The following PANK1 variants were observed in gnomAD, a reference collection of about 807,000 sequenced individuals.
PANK1 encodes pantothenate kinase 1, also known as pantothenic acid kinase 1.
PANK1 carries 18 observed loss-of-function variants against 40.1 expected under a neutral mutation model. The ratio of observed to expected loss-of-function variants is 0.45; its 90% CI spans 0.31 to 0.67. PANK1 has a LOEUF of 0.67. PANK1 is among the 30% of genes least tolerant of loss of function. The pLI is 0.06. For synonymous variants in PANK1, 242 were observed against 237.7 expected (o/e 1.02, Z -0.17); for missense variants, 457 against 599.6 (o/e 0.76, Z 2.48).
intron 1 of PANK1, among the ~76,000 whole-genome samples, chr10:89,637,127 G>A (rs530178147): frequency 1.0e-3 from 156 of 152,006 alleles, no homozygotes; most frequent in African/African-American, 3.6e-3. Flanking sequence ...CAAAGTGCTG[G>A]GATTACAGGC....
intron 6 of PANK1, 146 bp from the exon 7 acceptor site, chr10:89,584,611 C>G (rs1465037448): frequency 8.4e-6 from 5 of 593,934 alleles, no homozygotes; most frequent in Admixed American, 5.8e-5. Context: ...ATAATAACAA[C>G]TATAATTTAT....
intron 1 of PANK1, among the ~76,000 whole-genome samples, chr10:89,614,216 G>A (rs2133968000): frequency 6.6e-6 from 1 of 152,264 alleles, no homozygotes; most frequent in African/African-American, 2.4e-5. Flanking sequence ...GGATAGGATG[G>A]GAGAAGGGTA....
At chr10:89,592,466 C>T (rs1380993476) in intron 5 of PANK1, among the ~76,000 whole-genome samples, 1 of 152,078 alleles carries the variant, frequency 6.6e-6, no homozygotes, top group Non-Finnish European at 1.5e-5. Flanking sequence ...TGTATGTCAC[C>T]TCTATTAAAA....
At chr10:89,632,778 T>G (rs1841690084) in intron 1 of PANK1, among the ~76,000 whole-genome samples, 1 of 152,136 alleles carries the variant, frequency 6.6e-6, no homozygotes, top group Non-Finnish European at 1.5e-5. Flanking sequence ...CAGTAGGAAT[T>G]TAGGAGGCAG....
intron 1 of PANK1, among the ~76,000 whole-genome samples, chr10:89,641,436 T>G (rs550821419): frequency 3.3e-4 from 51 of 152,296 alleles, no homozygotes; most frequent in African/African-American, 1.2e-3. Context: ...GAACTCTCAC[T>G]CATTTTCTGC....
chr10:89,618,495 C>T (rs1437112464), intron 1 of PANK1, among the ~76,000 whole-genome samples: 1 of 152,162 alleles, frequency 6.6e-6, no homozygotes, highest in East Asian at 1.9e-4. Context: ...GGGCAGTCTC[C>T]TTTGGGGAAG....
At chr10:89,607,992 T>G (rs1845022101) in intron 2 of PANK1, among the ~76,000 whole-genome samples, 1 of 152,106 alleles carries the variant, frequency 6.6e-6, no homozygotes, top group Admixed American at 6.6e-5. Context: ...AGGCTAGTTT[T>G]TGCCAGTCAA....
At chr10:89,639,344 A>G in intron 1 of PANK1, 1 of 316,740 alleles carries the variant, frequency 3.2e-6, no homozygotes, top group Non-Finnish European at 6.7e-6. Context: ...AACATCCCCC[A>G]TTAAGCCCCA....
chr10:89,621,487 G>T lies in PANK1; in HGVS notation c.293-9439C>A, dbSNP rs572962935. On this transcript the variant is annotated intron_variant, in intron 1 of 6. Transcript: ENST00000307534. ...TAAGAGGTGGAAGGAACGTTAGGTTGAGTCTAACATCCTGTTTACAAATAA... is the reference window on the plus strand; with the variant it reads ...TAAGAGGTGGAAGGAACGTTAGGTTTAGTCTAACATCCTGTTTACAAATAA... Among the ~76,000 whole-genome samples, 3 of 152,292 alleles carry T rather than the reference G, an allele frequency of 2.0e-5. No homozygotes were observed. In the South Asian group the frequency reaches 6.2e-4, roughly 32 times the overall value.
At chr10:89,604,602 G>A (rs545387161) in intron 2 of PANK1, among the ~76,000 whole-genome samples, 49 of 148,862 alleles carry the variant, frequency 3.3e-4, no homozygotes, top group African/African-American at 1.0e-3. Flanking sequence ...GCTGGGGTAG[G>A]AGAATCGCCT....
At chr10:89,605,341 C>T (rs1374996541) in intron 2 of PANK1, among the ~76,000 whole-genome samples, 2 of 152,174 alleles carry the variant, frequency 1.3e-5, no homozygotes, top group Non-Finnish European at 2.9e-5. Flanking sequence ...GCATTTTACC[C>T]ACCATAGAAC....
chr10:89,587,238 C>G (rs1469659862), intron 6 of PANK1, among the ~76,000 whole-genome samples: 1 of 152,210 alleles, frequency 6.6e-6, no homozygotes, highest in East Asian at 1.9e-4. Context: ...CAATAAGCTA[C>G]TCTTAGTAGC....
intron 1 of PANK1, among the ~76,000 whole-genome samples, chr10:89,638,586 C>G (rs559997472): frequency 2.1e-4 from 32 of 152,284 alleles, no homozygotes; most frequent in African/African-American, 7.7e-4. Context: ...CTCTTATTTT[C>G]CTGTATGCAG....
intron 3 of PANK1, among the ~76,000 whole-genome samples, chr10:89,597,611 A>C (rs1464874638): frequency 6.6e-6 from 1 of 152,228 alleles, no homozygotes; most frequent in Non-Finnish European, 1.5e-5. Context: ...AGATCTGCGG[A>C]GCCTCCAAGT....
At chr10:89,616,212 T>C (rs1845309535) in intron 1 of PANK1, among the ~76,000 whole-genome samples, 1 of 152,226 alleles carries the variant, frequency 6.6e-6, no homozygotes, top group Non-Finnish European at 1.5e-5. Flanking sequence ...GTGAAACTGA[T>C]GTTCATAAAA....
At position 89,599,419 on chromosome 10, in the gene PANK1, G is replaced by T; in HGVS notation, c.732C>A (p.Gly244=). The change falls in exon 3 of 7, where the codon GGC becomes GGA. Residue 244 remains glycine, a synonymous_variant. Coordinates refer to ENST00000307534, the MANE Select transcript of PANK1 (RefSeq NM_148977.3). ...LLYVDSVGFN[G]KPECYYFENP... Reference sequence around the variant, plus strand: ...TTTCAAAATAGTAACATTCTGGCTTGCCGTTGAAGCCAACAGAGTCGACAT... The same window carrying T: ...TTTCAAAATAGTAACATTCTGGCTTTCCGTTGAAGCCAACAGAGTCGACAT... 1 of 1,613,686 alleles carries T rather than the reference G, an allele frequency of 6.2e-7. No homozygotes were observed. The highest frequency in any genetic ancestry group is 8.5e-7 in the Non-Finnish European group (1 of 1,179,600).
Position 89,613,151 on chromosome 10 carries a change from C to A in PANK1, c.293-1103G>T, listed in dbSNP as rs1845212580. ...GCCTGGAAAGTTAATGCCATGCTGT[C>A]AAATGCTCTGCAATGAACACAGAGC... On this transcript the variant is annotated intron_variant, in intron 1 of 6. Coordinates refer to ENST00000307534, the MANE Select transcript of PANK1 (RefSeq NM_148977.3). Among the ~76,000 whole-genome samples the A allele has an allele frequency of 3.9e-5, 6 of 152,324 alleles. No individual in the cohort carries two copies. In the South Asian group the frequency reaches 1.2e-3, roughly 32 times the overall value.
Position 89,588,692 on chromosome 10 carries a change from CA to C in PANK1, c.1285del (p.Trp429GlyfsTer6). ...MKLLAYAMDFWSKGQLKALFL... is the reference protein window; with the variant it reads ...MKLLAYAMDFXSKGQLKALFL... ...CAGAGCTTTCAGTTGTCCTTTGGACCAAAAATCCATGGCATATGCCAGCAGC... is the reference window on the plus strand; with the variant it reads ...CAGAGCTTTCAGTTGTCCTTTGGACCAAAATCCATGGCATATGCCAGCAGC... On this transcript the variant is annotated frameshift_variant, in exon 6 of 7. Coordinates refer to ENST00000307534, the MANE Select transcript of PANK1 (RefSeq NM_148977.3). LOFTEE classifies it high-confidence loss of function. 3 of 1,604,326 alleles carry C rather than the reference CA, an allele frequency of 1.9e-6. No individual in the cohort carries two copies. The highest frequency in any genetic ancestry group is 2.3e-5 in the South Asian group (2 of 88,640).
At chr10:89,618,036 G>A (rs1429674508) in intron 1 of PANK1, among the ~76,000 whole-genome samples, 1 of 152,180 alleles carries the variant, frequency 6.6e-6, no homozygotes, top group East Asian at 1.9e-4. Flanking sequence ...GATGCAATCA[G>A]AGAGTCTACT....
Sources: allele counts gnomAD v4.1 joint callset (sites outside exome capture counted in the v4.1 genomes callset), GRCh38; gene constraint gnomAD v4.1.1; transcripts MANE v1.5; gene names NCBI Gene and HGNC (gene_info 2026-07-23, HGNC 2026-07-21).